PIP4K2A: variants seen among roughly 807,000 people sequenced by gnomAD.
PIP4K2A encodes phosphatidylinositol 5-phosphate 4-kinase type-2 alpha.
PIP4K2A carries 14 observed loss-of-function variants against 42.9 expected under a neutral mutation model. The ratio of observed to expected loss-of-function variants is 0.33; its 90% CI spans 0.22 to 0.51. The LOEUF (loss-of-function observed/expected upper bound fraction) is 0.51, where lower values mean the gene tolerates loss of function less well. Among genes scored for constraint, PIP4K2A ranks in the 20% least tolerant of loss-of-function variants. The pLI is 0.97. For synonymous variants in PIP4K2A, 192 were observed against 192.2 expected, an observed-to-expected ratio of 1.00 and a Z score of 0.01; for missense variants, 434 against 519.8, an observed-to-expected ratio of 0.83 and a Z score of 1.61.
intron 1 of PIP4K2A, among the ~76,000 whole-genome samples, chr10:22,617,109 T>C (rs1378112642): frequency 6.6e-6 from 1 of 152,240 alleles, no homozygotes; most frequent in Admixed American, 6.5e-5. Context: ...GAGCAAGGCA[T>C]TGACATTTAC....
chr10:22,664,156 T>TATATATATATATACATATATATATATAC, intron 1 of PIP4K2A, among the ~76,000 whole-genome samples: 1 of 59,516 alleles, frequency 1.7e-5, no homozygotes, highest in Admixed American at 2.0e-4. Flanking sequence ...TATATACACA[T>TATATATATATATACATATATATATATAC]ATATATATAT....
chr10:22,568,767 A>G (rs1317418007), intron 5 of PIP4K2A, among the ~76,000 whole-genome samples: 1 of 152,182 alleles, frequency 6.6e-6, no homozygotes, highest in Non-Finnish European at 1.5e-5. Flanking sequence ...TGGGAAACAA[A>G]TGGTCTGGTG....
chr10:22,538,825 T>C (rs1180877108), intron 9 of PIP4K2A, among the ~76,000 whole-genome samples: 1 of 152,212 alleles, frequency 6.6e-6, no homozygotes, highest in African/African-American at 2.4e-5. Flanking sequence ...CAGTCTGTGC[T>C]CTGCACACAG....
chr10:22,582,893 A>T (rs1281307075), intron 4 of PIP4K2A, among the ~76,000 whole-genome samples: 4 of 3,386 alleles, frequency 1.2e-3, no homozygotes, highest in South Asian at 0.17. Context: ...TCTTGAAGTA[A>T]AAAAAAAAAA....
At chr10:22,541,209 G>A (rs890239125) in intron 8 of PIP4K2A, among the ~76,000 whole-genome samples, 1 of 152,170 alleles carries the variant, frequency 6.6e-6, no homozygotes, top group African/African-American at 2.4e-5. Context: ...TTCCATGGGG[G>A]AGGACAGCAG....
chr10:22,602,384 ACT>A (rs1837803955), intron 3 of PIP4K2A, among the ~76,000 whole-genome samples: 1 of 144,154 alleles, frequency 6.9e-6, no homozygotes, highest in African/African-American at 2.7e-5. Flanking sequence ...ACAGAGTGAA[ACT>A]CTGTCTATAA....
intron 9 of PIP4K2A, among the ~76,000 whole-genome samples, chr10:22,538,918 T>C (rs2130735198): frequency 6.6e-6 from 1 of 152,350 alleles, no homozygotes; most frequent in South Asian, 2.1e-4. Flanking sequence ...TGATTTCTAT[T>C]TTAAAATAGA....
rs140928567 is a variant in PIP4K2A at position 22,560,117 on chromosome 10, C to T, written c.678+7734G>A. ...GTAGGATTGGTGTCCCTAACTAACA[C>T]TGGCTGGCAAAGGGAAATGATTCCC... On this transcript the variant is annotated intron_variant, in intron 6 of 9. Coordinates refer to ENST00000376573, the MANE Select transcript of PIP4K2A (RefSeq NM_005028.5). 5.4e-3 allele frequency among the ~76,000 whole-genome samples: 817 copies of T among 152,298 alleles called. 10 individuals carry two copies. Among genetic ancestry groups the T allele is most frequent in the African/African-American group, 0.019 (770 of 41,548 alleles).
chr10:22,679,610 T>C (rs1025129147), intron 1 of PIP4K2A, among the ~76,000 whole-genome samples: 7 of 152,192 alleles, frequency 4.6e-5, no homozygotes, highest in African/African-American at 1.7e-4. Context: ...TACACAAATG[T>C]TCATAGCAGC....
rs113578600 is a variant in PIP4K2A at position 22,573,181 on chromosome 10, A to G, written c.639+130T>C. ...CACTTATTGCCTCACAGGAAGGAAT[A>G]CACTGCTACTTGTCTGGTAGCTTTA... On this transcript the variant is annotated intron_variant, in intron 5 of 9. Transcript: ENST00000376573. The G allele has an allele frequency of 6.0e-5, 46 of 769,712 alleles. No homozygotes were observed. In the African/African-American group the frequency reaches 6.9e-4, roughly 12 times the overall value. 47.7% of individuals were successfully genotyped at this position (769,712 alleles called of 1,614,324 possible).
intron 1 of PIP4K2A, among the ~76,000 whole-genome samples, chr10:22,664,488 A>G (rs776740520): frequency 2.0e-5 from 3 of 151,064 alleles, no homozygotes; most frequent in Non-Finnish European, 2.9e-5. Flanking sequence ...ACACAATAGT[A>G]TGCCTTTATG....
chr10:22,566,034 T>C, intron 6 of PIP4K2A, among the ~76,000 whole-genome samples: 1 of 152,214 alleles, frequency 6.6e-6, no homozygotes, highest in East Asian at 1.9e-4. Context: ...TCATTAGCAA[T>C]TTTAATTTCG....
intron 2 of PIP4K2A, among the ~76,000 whole-genome samples, chr10:22,608,551 G>A (rs1837959845): frequency 6.6e-6 from 1 of 152,156 alleles, no homozygotes; most frequent in South Asian, 2.1e-4. Flanking sequence ...CTTCACATAA[G>A]GACAATGGCC....
chr10:22,708,568 C>T (rs1312808081), intron 1 of PIP4K2A, among the ~76,000 whole-genome samples: 5 of 152,144 alleles, frequency 3.3e-5, no homozygotes, highest in Non-Finnish European at 7.4e-5. Context: ...ACAATTTCTT[C>T]TCCCAAATTC....
intron 1 of PIP4K2A, among the ~76,000 whole-genome samples, chr10:22,627,477 C>T (rs909552899): frequency 2.6e-5 from 4 of 151,568 alleles, no homozygotes; most frequent in African/African-American, 9.7e-5. Context: ...AATATTTTCT[C>T]ACAAATATCT....
intron 1 of PIP4K2A, among the ~76,000 whole-genome samples, chr10:22,621,782 CT>C (rs1432296797): frequency 2.6e-5 from 4 of 152,352 alleles, no homozygotes; most frequent in Non-Finnish European, 5.9e-5. Flanking sequence ...GCATTTTGAA[CT>C]GAGATGTGTT....
At chr10:22,539,313 A>G (rs1836023948) in intron 9 of PIP4K2A, among the ~76,000 whole-genome samples, 3 of 152,304 alleles carry the variant, frequency 2.0e-5, no homozygotes, top group Middle Eastern at 6.8e-3. Flanking sequence ...GTACACTACT[A>G]TCTCTTTCAT....
chr10:22,605,530 A>G (rs533716946), intron 3 of PIP4K2A, among the ~76,000 whole-genome samples: 2 of 152,352 alleles, frequency 1.3e-5, no homozygotes, highest in African/African-American at 2.4e-5. Context: ...TTTAAAAACT[A>G]CTTTTCTCTG....
At chr10:22,665,605 CTTTT>C (rs34262297) in intron 1 of PIP4K2A, among the ~76,000 whole-genome samples, 7 of 115,002 alleles carry the variant, frequency 6.1e-5, no homozygotes, top group South Asian at 3.0e-4. Context: ...CCACACCTGG[CTTTT>C]TTTTTTTTTT....
Sources: allele counts gnomAD v4.1 joint callset (sites outside exome capture counted in the v4.1 genomes callset), GRCh38; gene constraint gnomAD v4.1.1; transcripts MANE v1.5; gene names NCBI Gene and HGNC (gene_info 2026-07-23, HGNC 2026-07-21).